The following SEMA3D variants were observed in gnomAD, a reference collection of about 807,000 sequenced individuals.
SEMA3D encodes semaphorin-3D.
Under a neutral mutation model 100.1 loss-of-function variants are expected in SEMA3D, and 84 were observed. The observed-to-expected ratio is 0.84, with a 90% CI of 0.70 to 1.01. SEMA3D has a LOEUF of 1.01. Ranked by LOEUF, SEMA3D falls within the 50% of genes least tolerant of loss-of-function variation. The pLI, the probability that SEMA3D is intolerant of heterozygous loss-of-function variation, is 0.00. For missense variants in SEMA3D, 875 were observed against 934.1 expected, an observed-to-expected ratio of 0.94 and a Z score of 0.82; for synonymous variants, 312 against 320.7, an observed-to-expected ratio of 0.97 and a Z score of 0.29.
At chr7:85,023,982 C>T (rs1023848798) in intron 12 of SEMA3D, among the ~76,000 whole-genome samples, 1 of 151,844 alleles carries the variant, frequency 6.6e-6, no homozygotes, top group African/African-American at 2.4e-5. Flanking sequence ...AGATTAGAAA[C>T]GTCCTAGAAT....
At chr7:85,196,577 A>T in the SEMA3D span, among the ~76,000 whole-genome samples, 1 of 152,138 alleles carries the variant, frequency 6.6e-6, no homozygotes, top group Non-Finnish European at 1.5e-5. Context: ...TCCTTTACAT[A>T]TGCAGAATAT....
the SEMA3D span, among the ~76,000 whole-genome samples, chr7:85,200,592 G>A: frequency 3.3e-5 from 5 of 152,180 alleles, no homozygotes; most frequent in Non-Finnish European, 7.3e-5. Flanking sequence ...GAGCATAAAA[G>A]TTTGGAAAAT....
intron 1 of SEMA3D, among the ~76,000 whole-genome samples, chr7:85,168,813 AGAAAGAT>A (rs1562843006): frequency 7.2e-6 from 1 of 139,504 alleles, no homozygotes. Flanking sequence ...AAAGAAAGAA[AGAAAGAT>A]GAAAGAAAGA....
chr7:85,015,048 G>T lies in SEMA3D; in HGVS notation c.1703+11C>A. The T allele has an allele frequency of 6.2e-7, 1 of 1,605,290 alleles. No individual in the cohort carries two copies. Among genetic ancestry groups the T allele is most frequent in the Non-Finnish European group, 8.5e-7 (1 of 1,173,376 alleles). On this transcript the variant is annotated intron_variant, in intron 16 of 18. Coordinates refer to ENST00000284136, the MANE Select transcript of SEMA3D (RefSeq NM_001384900.1). The stretch of plus-strand genomic sequence containing the variant: ...AAGGAAGCCTTTATATTAACTCCAT[G>T]TGCCTCTTACCTTTTAGAAGTAGGA...
chr7:85,162,701 G>C (rs1790778115), intron 1 of SEMA3D, among the ~76,000 whole-genome samples: 1 of 152,086 alleles, frequency 6.6e-6, no homozygotes, highest in South Asian at 2.1e-4. Context: ...AAAACCTGAG[G>C]AAGAACGTGG....
At chr7:85,005,269 C>T (rs956145003) in intron 18 of SEMA3D, among the ~76,000 whole-genome samples, 1 of 151,722 alleles carries the variant, frequency 6.6e-6, no homozygotes, top group Non-Finnish European at 1.5e-5. Context: ...TTCAATATTT[C>T]TTGGATAGTA....
chr7:85,133,997 T>C (rs1789793847), intron 2 of SEMA3D, among the ~76,000 whole-genome samples: 1 of 151,926 alleles, frequency 6.6e-6, no homozygotes, highest in African/African-American at 2.4e-5. Context: ...TACAAATGTG[T>C]TTGTATAATT....
intron 2 of SEMA3D, chr7:85,151,521 TA>T: frequency 1.7e-6 from 1 of 574,950 alleles, no homozygotes; most frequent in Non-Finnish European, 2.2e-6. Flanking sequence ...TAATCAGAAC[TA>T]GGGATTAGAC....
intron 8 of SEMA3D, 151 bp downstream of exon 8, chr7:85,065,273 A>G (rs372830138): frequency 1.4e-6 from 1 of 695,422 alleles, no homozygotes; most frequent in South Asian, 2.4e-5. Context: ...GGTTTTGGAG[A>G]TTTTCTTAGT....
chr7:85,131,656 A>C (rs1447036874), intron 2 of SEMA3D, among the ~76,000 whole-genome samples: 1 of 151,986 alleles, frequency 6.6e-6, no homozygotes, highest in Non-Finnish European at 1.5e-5. Flanking sequence ...AATCTTGTGG[A>C]TCTTGTGAAA....
chr7:85,050,434 G>A, intron 9 of SEMA3D: 1 of 228,002 alleles, frequency 4.4e-6, no homozygotes, highest in East Asian at 7.9e-5. Flanking sequence ...AATAGAGTAA[G>A]TAGTTTGACT....
At chr7:85,051,084 A>G (rs781320411) in intron 9 of SEMA3D, among the ~76,000 whole-genome samples, 5 of 151,878 alleles carry the variant, frequency 3.3e-5, no homozygotes, top group African/African-American at 1.2e-4. Flanking sequence ...TATCTAAGTT[A>G]CCCTTGTTTT....
intron 2 of SEMA3D, among the ~76,000 whole-genome samples, chr7:85,148,491 A>G (rs1407956376): frequency 6.6e-6 from 1 of 152,146 alleles, no homozygotes; most frequent in Non-Finnish European, 1.5e-5. Context: ...GTAAATACAC[A>G]TTTCTATAAG....
At chr7:85,187,381 C>T (rs1401612712), upstream of SEMA3D, among the ~76,000 whole-genome samples, 1 of 152,166 alleles carries the variant, frequency 6.6e-6, no homozygotes, top group Admixed American at 6.5e-5. Flanking sequence ...GGGAGAGTGA[C>T]CACAAACACC....
At chr7:85,014,063 A>G (rs777935196) in intron 16 of SEMA3D, among the ~76,000 whole-genome samples, 12 of 151,836 alleles carry the variant, frequency 7.9e-5, no homozygotes, top group African/African-American at 2.4e-4. Context: ...TTCAGGGAAT[A>G]TAAAATGTTT....
the SEMA3D span, among the ~76,000 whole-genome samples, chr7:85,197,964 T>G: frequency 4.6e-5 from 7 of 152,202 alleles, no homozygotes; most frequent in African/African-American, 1.7e-4. Flanking sequence ...ACACCAACAA[T>G]GTACATGTCT....
the SEMA3D span, among the ~76,000 whole-genome samples, chr7:85,227,671 A>G: frequency 5.3e-5 from 8 of 152,194 alleles, no homozygotes; most frequent in Non-Finnish European, 1.5e-5. Context: ...TATATGTAAT[A>G]TATGTATGAA....
chr7:85,052,708 C>A (rs1791200938), intron 9 of SEMA3D, among the ~76,000 whole-genome samples: 1 of 151,896 alleles, frequency 6.6e-6, no homozygotes, highest in South Asian at 2.1e-4. Flanking sequence ...ATTGCCCTCA[C>A]TATACTAAAA....
chr7:85,010,520 TGAG>T (rs146329177), intron 17 of SEMA3D, among the ~76,000 whole-genome samples: 379 of 151,732 alleles, frequency 2.5e-3, no homozygotes, highest in African/African-American at 8.9e-3. Flanking sequence ...GTGGGTATGA[TGAG>T]AAGTAGGAAA....
Sources: gnomAD v4.1 joint callset for allele counts (sites outside exome capture counted in the v4.1 genomes callset) on GRCh38, gnomAD v4.1.1 for gene constraint, MANE v1.5 for transcripts, NCBI Gene and HGNC (gene_info 2026-07-23, HGNC 2026-07-21) for gene names.